Variants in GUCY1A2 observed in about 807,000 individuals in gnomAD.
GUCY1A2 encodes guanylate cyclase 1 soluble subunit alpha 2.
GUCY1A2 carries 27 observed loss-of-function variants against 63.5 expected under a neutral mutation model. The observed-to-expected ratio is 0.43, with a 90% CI of 0.31 to 0.59. The LOEUF (loss-of-function observed/expected upper bound fraction) is 0.59. Among genes scored for constraint, GUCY1A2 ranks in the 20% least tolerant of loss-of-function variants. The pLI is 0.11. For synonymous variants in GUCY1A2, 364 were observed against 343.5 expected (o/e 1.06, Z -0.66); for missense variants, 768 against 913.3 (o/e 0.84, Z 2.05).
intron 4 of GUCY1A2, among the ~76,000 whole-genome samples, chr11:106,891,738 C>T (rs1591316271): frequency 6.6e-6 from 1 of 151,990 alleles, no homozygotes; most frequent in East Asian, 1.9e-4. Flanking sequence ...AACCTATTTC[C>T]GAACTTTCTA....
At chr11:106,807,130 G>T (rs1858699822) in intron 5 of GUCY1A2, among the ~76,000 whole-genome samples, 1 of 151,938 alleles carries the variant, frequency 6.6e-6, no homozygotes, top group Non-Finnish European at 1.5e-5. Context: ...TCTGTGGTAT[G>T]GTTATTCTAC....
Position 106,809,984 on chromosome 11 carries a change from C to T in GUCY1A2, c.1692+9G>A. The stretch of plus-strand genomic sequence containing the variant: ...AAACATTTATATGTAAGTAACTAAA[C>T]TCCCTTACCTTATAAATATCCAAAA... On this transcript the variant is annotated intron_variant, in intron 5 of 7. Transcript: ENST00000526355. The T allele has an allele frequency of 1.3e-6, 2 of 1,538,106 alleles. No individual in the cohort carries two copies. Among genetic ancestry groups the T allele is most frequent in the Admixed American group, 1.8e-5 (1 of 54,962 alleles).
chr11:106,786,381 G>A (rs2135409245), intron 5 of GUCY1A2, among the ~76,000 whole-genome samples: 1 of 152,282 alleles, frequency 6.6e-6, no homozygotes, highest in East Asian at 1.9e-4. Flanking sequence ...GTGTTGAAAA[G>A]GAGGTCATGG....
intron 2 of GUCY1A2, among the ~76,000 whole-genome samples, chr11:106,979,077 G>C (rs563913440): frequency 6.6e-6 from 1 of 152,322 alleles, no homozygotes; most frequent in South Asian, 2.1e-4. Flanking sequence ...GCCTAGAAAA[G>C]GAAAAGTTAA....
In GUCY1A2 at chr11:106,817,131, T is replaced by G. The variant is rs368124995; in HGVS notation, c.1207-6653A>C. Among the ~76,000 whole-genome samples, 14 of 152,214 alleles carry G rather than the reference T, an allele frequency of 9.2e-5. No homozygotes were observed. In the East Asian group the frequency reaches 1.9e-3, roughly 21 times the overall value. On this transcript the variant is annotated intron_variant, in intron 4 of 7. Coordinates refer to ENST00000526355, the MANE Select transcript of GUCY1A2 (RefSeq NM_000855.3). ...CTAAAGATTACATCAGCTAAGTTAA[T>G]GACGAAATAATTCATTTGTCCTCTA...
At chr11:106,737,972 C>A (rs1478552707) in intron 6 of GUCY1A2, among the ~76,000 whole-genome samples, 1 of 152,202 alleles carries the variant, frequency 6.6e-6, no homozygotes, top group Admixed American at 6.5e-5. Flanking sequence ...AATCACCACA[C>A]TGTCTTCCAC....
intron 3 of GUCY1A2, among the ~76,000 whole-genome samples, chr11:106,965,158 A>C (rs1232667442): frequency 6.6e-6 from 1 of 152,022 alleles, no homozygotes; most frequent in Non-Finnish European, 1.5e-5. Context: ...AACAGAGAAA[A>C]ATGCAACATG....
intron 6 of GUCY1A2, among the ~76,000 whole-genome samples, chr11:106,745,668 C>T (rs1863775319): frequency 6.6e-6 from 1 of 152,134 alleles, no homozygotes; most frequent in African/African-American, 2.4e-5. Context: ...AATGACTAAC[C>T]ATATGTAATG....
intron 4 of GUCY1A2, among the ~76,000 whole-genome samples, chr11:106,856,664 G>A (rs1468496034): frequency 6.6e-6 from 1 of 152,080 alleles, no homozygotes; most frequent in Non-Finnish European, 1.5e-5. Context: ...TTTCCATTAA[G>A]TGTCTGAGAA....
In GUCY1A2 at chr11:106,999,388, AT is replaced by A. The variant is rs540832288; in HGVS notation, c.304-13258del. ...GCAGAAACTGATAGGCTTGACTTTAATATGCCCATGATTCATTTCTATTAGT... is the reference window on the plus strand; with the variant it reads ...GCAGAAACTGATAGGCTTGACTTTAAATGCCCATGATTCATTTCTATTAGT... On this transcript the variant is annotated intron_variant, in intron 1 of 7. Coordinates refer to ENST00000526355, the MANE Select transcript of GUCY1A2 (RefSeq NM_000855.3). Among the ~76,000 whole-genome samples the A allele has an allele frequency of 1.3e-3, 204 of 152,334 alleles. 1 individual carries two copies. Among genetic ancestry groups the A allele is most frequent in the African/African-American group, 4.7e-3 (197 of 41,578 alleles).
chr11:106,813,911 C>T (rs1858797477), intron 4 of GUCY1A2, among the ~76,000 whole-genome samples: 3 of 152,118 alleles, frequency 2.0e-5, no homozygotes, highest in Admixed American at 6.6e-5. Flanking sequence ...TACTCTTTTG[C>T]TAGCTATTAC....
At chr11:106,827,437 A>C in intron 4 of GUCY1A2, 2 of 1,446,672 alleles carry the variant, frequency 1.4e-6, no homozygotes, top group Non-Finnish European at 1.9e-6. Flanking sequence ...ACCGTTCCCT[A>C]AGATCATTAT....
intron 4 of GUCY1A2, among the ~76,000 whole-genome samples, chr11:106,932,535 G>C (rs1381743030): frequency 6.6e-6 from 1 of 151,998 alleles, no homozygotes; most frequent in Non-Finnish European, 1.5e-5. Context: ...CATTAAAATG[G>C]CCATACTGCC....
chr11:107,014,246 G>T (rs1330301329), intron 1 of GUCY1A2, among the ~76,000 whole-genome samples: 2 of 151,898 alleles, frequency 1.3e-5, no homozygotes, highest in Non-Finnish European at 1.5e-5. Flanking sequence ...ACGCCACCAT[G>T]CCCAGCTAAT....
At chr11:106,766,416 CTA>C (rs1454192028) in intron 6 of GUCY1A2, among the ~76,000 whole-genome samples, 4 of 152,036 alleles carry the variant, frequency 2.6e-5, no homozygotes, top group East Asian at 1.9e-4. Context: ...CCTTCTATTT[CTA>C]TGTGTTTGTA....
rs577816618 is a variant in GUCY1A2 at position 106,948,140 on chromosome 11, GA to G, written c.488-7963del. ...AACCTGAGTTCTGGCTAGCAATTAG[GA>G]AAAAAACTAGATGACTGCAAAGTTT... On this transcript the variant is annotated intron_variant, in intron 3 of 7. Coordinates refer to ENST00000526355, the MANE Select transcript of GUCY1A2 (RefSeq NM_000855.3). 2.8e-4 allele frequency among the ~76,000 whole-genome samples: 42 copies of G among 152,008 alleles called. No individual in the cohort carries two copies. The East Asian group carries it at 7.7e-3, about 28-fold the overall frequency.
At chr11:106,696,707 G>A (rs1006093644) in intron 7 of GUCY1A2, among the ~76,000 whole-genome samples, 1 of 151,980 alleles carries the variant, frequency 6.6e-6, no homozygotes, top group Admixed American at 6.6e-5. Flanking sequence ...GCTAAAAAAA[G>A]GGCATACTTT....
chr11:107,011,163 T>C (rs1027712710), intron 1 of GUCY1A2, among the ~76,000 whole-genome samples: 4 of 152,224 alleles, frequency 2.6e-5, no homozygotes, highest in East Asian at 3.8e-4. Flanking sequence ...GAAGAAAGCC[T>C]GCTCAATAGA....
intron 5 of GUCY1A2, among the ~76,000 whole-genome samples, chr11:106,798,227 C>T (rs1406319025): frequency 6.6e-6 from 1 of 152,106 alleles, no homozygotes. Context: ...GAAGTTGAAT[C>T]CCTGAATAGA....
Sources: gnomAD v4.1 joint callset for allele counts (sites outside exome capture counted in the v4.1 genomes callset) on GRCh38, gnomAD v4.1.1 for gene constraint, MANE v1.5 for transcripts, NCBI Gene and HGNC (gene_info 2026-07-23, HGNC 2026-07-21) for gene names.